Variants in CERT1 observed in about 807,000 individuals in gnomAD.
CERT1 encodes the protein ceramide transporter 1, also known as ceramide transfer protein.
In CERT1, 31 loss-of-function variants were observed where a neutral mutation model predicts 87.9. The ratio of observed to expected loss-of-function variants is 0.35; its 90% CI spans 0.27 to 0.48. The LOEUF (loss-of-function observed/expected upper bound fraction) is 0.48. Ranked by LOEUF, CERT1 falls within the 20% of genes least tolerant of loss-of-function variation. CERT1 has a pLI of 0.99. For missense variants in CERT1, 487 were observed against 758.0 expected (o/e 0.64, Z 4.20); for synonymous variants, 289 against 250.9 (o/e 1.15, Z -1.44).
intron 2 of CERT1, among the ~76,000 whole-genome samples, chr5:75,476,980 G>C (rs780959415): frequency 3.2e-4 from 48 of 152,094 alleles, no homozygotes; most frequent in Non-Finnish European, 3.8e-4. Context: ...ACAAAACCTT[G>C]AGCTGTTCCT....
chr5:75,511,573 C>T lies in CERT1; in HGVS notation c.-366G>A, dbSNP rs1768006915. ...GGAAGAGAAAATCCGGCCGCTGAGT[C>T]CCGCGTCCACTCACACCTCCGCTAC... On this transcript the variant is annotated 5_prime_UTR_variant, in exon 1 of 17. Transcript: ENST00000643780. The T allele has an allele frequency of 6.8e-7, 1 of 1,461,268 alleles. No homozygotes were observed. The highest frequency in any genetic ancestry group is 9.0e-7 in the Non-Finnish European group (1 of 1,108,172). 90.5% of individuals were successfully genotyped at this position (1,461,268 alleles called of 1,614,324 possible). A position where few individuals can be genotyped will look rare whatever the true frequency, so the allele number is the denominator to read the frequency against.
chr5:75,427,509 G>C (rs1763669887), intron 3 of CERT1, among the ~76,000 whole-genome samples: 1 of 152,214 alleles, frequency 6.6e-6, no homozygotes, highest in African/African-American at 2.4e-5. Context: ...TGAGGCAGGA[G>C]AATCGCCTGA....
At chr5:75,431,311 G>A (rs1763856239) in intron 3 of CERT1, among the ~76,000 whole-genome samples, 1 of 152,104 alleles carries the variant, frequency 6.6e-6, no homozygotes. Context: ...AGAACATGTG[G>A]TATTTGGTTT....
At chr5:75,506,526 C>T (rs1221741245) in intron 1 of CERT1, among the ~76,000 whole-genome samples, 2 of 152,128 alleles carry the variant, frequency 1.3e-5, no homozygotes, top group African/African-American at 2.4e-5. Flanking sequence ...TGTATGTAGT[C>T]TCTCATTCTG....
rs1043455862 is a variant in CERT1, at chr5:75,459,009, T to C, written c.348+56A>G. Reference sequence around the variant, plus strand: ...ACATGTCAACTTTTTTTTTAAGGTATTGTCAACAATCTCTTACCTAGTCCT... The same window carrying C: ...ACATGTCAACTTTTTTTTTAAGGTACTGTCAACAATCTCTTACCTAGTCCT... On this transcript the variant is annotated intron_variant, in intron 3 of 16. Coordinates refer to ENST00000643780, the MANE Select transcript of CERT1 (RefSeq NM_001379029.1). The C allele has an allele frequency of 1.6e-5, 15 of 938,692 alleles. No individual in the cohort carries two copies. In the Admixed American group the frequency reaches 3.1e-4, roughly 19 times the overall value. The allele number at this position is 938,692 out of a possible 1,614,324, so 58.1% of individuals were successfully genotyped here.
rs563191575 is a variant in CERT1 at position 75,419,269 on chromosome 5, A to C, written c.679+72T>G. On this transcript the variant is annotated intron_variant, in intron 6 of 16. Coordinates refer to ENST00000643780, the MANE Select transcript of CERT1 (RefSeq NM_001379029.1). ...TTTTTAAAAAATTAATCAGGTAATT[A>C]TTTCTTGTGAGTTGTTACATAACTT... 2.9e-4 allele frequency: 282 copies of C among 968,946 alleles called. 7 individuals carry two copies. In the South Asian group the frequency reaches 4.3e-3, roughly 15 times the overall value. The allele number at this position is 968,946 out of a possible 1,614,324, so 60.0% of individuals were successfully genotyped here. A position where few individuals can be genotyped will look rare whatever the true frequency, so the allele number is the denominator to read the frequency against.
chr5:75,486,778 A>G (rs952221041), intron 2 of CERT1, among the ~76,000 whole-genome samples: 3 of 152,116 alleles, frequency 2.0e-5, no homozygotes, highest in Non-Finnish European at 4.4e-5. Context: ...TTAACCAAAG[A>G]AGTGAAAGAT....
chr5:75,397,598 T>C (rs1762306559), intron 11 of CERT1, among the ~76,000 whole-genome samples: 1 of 152,242 alleles, frequency 6.6e-6, no homozygotes, highest in Admixed American at 6.5e-5. Context: ...ATAGCCTATG[T>C]ATTCCTGCAT....
rs1053790867 is a variant in CERT1 at position 75,485,518 on chromosome 5, C to T, written c.231+20464G>A. 3.0e-4 allele frequency among the ~76,000 whole-genome samples: 45 copies of T among 151,442 alleles called. 1 individual carries two copies. Among genetic ancestry groups the T allele is most frequent in the African/African-American group, 1.0e-3 (42 of 41,316 alleles). The stretch of plus-strand genomic sequence containing the variant: ...CCAAATTAGCAGAATAAATAATAAA[C>T]ATCAGAGACAAATGAAATTGAAACA... On this transcript the variant is annotated intron_variant, in intron 2 of 16. Transcript: ENST00000643780.
chr5:75,404,289 CAT>C (rs1312050470), intron 8 of CERT1, among the ~76,000 whole-genome samples: 1 of 87,008 alleles, frequency 1.1e-5, no homozygotes, highest in African/African-American at 6.7e-5. Context: ...CAACCTACTT[CAT>C]AAAAAAAAAA....
At chr5:75,467,788 A>G (rs1765535090) in intron 2 of CERT1, among the ~76,000 whole-genome samples, 1 of 152,218 alleles carries the variant, frequency 6.6e-6, no homozygotes, top group Non-Finnish European at 1.5e-5. Flanking sequence ...AGTATATGTA[A>G]AACTGGTAAA....
intron 2 of CERT1, among the ~76,000 whole-genome samples, chr5:75,492,768 C>T (rs1381952324): frequency 3.9e-5 from 6 of 152,160 alleles, no homozygotes; most frequent in Non-Finnish European, 8.8e-5. Context: ...CTATCAACGT[C>T]CAGAGAGCAA....
chr5:75,411,538 T>C (rs1209682724), intron 7 of CERT1, among the ~76,000 whole-genome samples: 2 of 152,106 alleles, frequency 1.3e-5, no homozygotes, highest in African/African-American at 4.8e-5. Flanking sequence ...TTTCTCGAAC[T>C]CCTCACCTCG....
intron 3 of CERT1, among the ~76,000 whole-genome samples, chr5:75,441,747 T>C (rs1243148291): frequency 6.6e-6 from 1 of 152,220 alleles, no homozygotes; most frequent in Non-Finnish European, 1.5e-5. Context: ...AATTTCCTTC[T>C]TTTTAAAGGT....
At chr5:75,395,417 C>T (rs1424565777) in intron 11 of CERT1, among the ~76,000 whole-genome samples, 11 of 151,944 alleles carry the variant, frequency 7.2e-5, no homozygotes, top group Non-Finnish European at 2.9e-5. Context: ...TGGTGGAATG[C>T]CTGTAGTCCC....
At chr5:75,493,236 T>C (rs1766882497) in intron 2 of CERT1, among the ~76,000 whole-genome samples, 1 of 152,228 alleles carries the variant, frequency 6.6e-6, no homozygotes, top group African/African-American at 2.4e-5. Flanking sequence ...AACTCATGGT[T>C]ATTCTTTTTT....
At chr5:75,472,207 A>C (rs543085882) in intron 2 of CERT1, among the ~76,000 whole-genome samples, 1 of 152,336 alleles carries the variant, frequency 6.6e-6, no homozygotes, top group South Asian at 2.1e-4. Context: ...TAGTGTTAGG[A>C]AAACTGGATA....
chr5:75,416,819 A>G, intron 7 of CERT1, 57 bp downstream of exon 7: 3 of 1,418,236 alleles, frequency 2.1e-6, no homozygotes, highest in Non-Finnish European at 2.9e-6. Context: ...TAAATATTCA[A>G]ACAATACGTA....
chr5:75,418,813 A>T (rs1023562476), intron 6 of CERT1, among the ~76,000 whole-genome samples: 1 of 152,238 alleles, frequency 6.6e-6, no homozygotes, highest in Non-Finnish European at 1.5e-5. Context: ...ATCAGTGGCT[A>T]TTCAGGAATG....
Sources: gnomAD v4.1 joint callset for allele counts (sites outside exome capture counted in the v4.1 genomes callset) on GRCh38, gnomAD v4.1.1 for gene constraint, MANE v1.5 for transcripts, NCBI Gene and HGNC (gene_info 2026-07-23, HGNC 2026-07-21) for gene names.